Variants in GPNMB observed in about 807,000 individuals in gnomAD.
The protein encoded by GPNMB is glycoprotein nmb, also known as transmembrane glycoprotein NMB.
GPNMB carries 71 observed loss-of-function variants against 57.3 expected under a neutral mutation model. The observed-to-expected ratio is 1.24, with a 90% CI of 1.02 to 1.51. The LOEUF (loss-of-function observed/expected upper bound fraction) is 1.51. Among genes scored for constraint, GPNMB ranks in the 40% most tolerant of loss-of-function variants. The probability of loss-of-function intolerance (pLI) is 0.00; values close to 1 mark genes in which losing one functional copy is unlikely to be tolerated. For synonymous variants in GPNMB, 253 were observed against 263.2 expected (o/e 0.96, Z 0.38); for missense variants, 677 against 691.9 (o/e 0.98, Z 0.24).
chr7:23,273,614 A>G lies in GPNMB; in HGVS notation c.1523A>G (p.Lys508Arg). 6.3e-7 allele frequency: 1 copy of G among 1,599,472 alleles called. No homozygotes were observed. Among genetic ancestry groups the G allele is most frequent in the Non-Finnish European group, 8.6e-7 (1 of 1,166,582 alleles). The change falls in exon 10 of 11, where the codon AAA (lysine) becomes AGA (arginine). Residue 508 changes from lysine (K) to arginine (R), a missense_variant and splice_region_variant. Transcript: ENST00000258733. ...ACTGTGATCTCCCTCTTGGTGTACA[A>G]GTAAGTTTTTGGTTCCTACGCTTTA... ...FVTVISLLVY[K>R]KHKEYNPIEN...
Position 23,253,209 on chromosome 7 carries a change from T to C in GPNMB, c.71-98T>C, listed in dbSNP as rs1206620353. 29 of 1,002,862 alleles carry C rather than the reference T, an allele frequency of 2.9e-5. 1 individual carries two copies. The East Asian group carries it at 6.3e-4, about 22-fold the overall frequency. 62.1% of individuals were successfully genotyped at this position (1,002,862 alleles called of 1,614,324 possible). A position where few individuals can be genotyped will look rare whatever the true frequency, so the allele number is the denominator to read the frequency against. On this transcript the variant is annotated intron_variant, in intron 1 of 10. Coordinates refer to ENST00000258733, the MANE Select transcript of GPNMB (RefSeq NM_002510.3). Reference sequence around the variant, plus strand: ...TTTACTTGATGCACTGAATATATTATGTATGTGCTTTTCAACAGTAAGAAA... The same window carrying C: ...TTTACTTGATGCACTGAATATATTACGTATGTGCTTTTCAACAGTAAGAAA...
intron 7 of GPNMB, 41 bp downstream of exon 7, chr7:23,266,656 C>G (rs1415997977): frequency 6.3e-7 from 1 of 1,594,382 alleles, no homozygotes; most frequent in African/African-American, 1.3e-5. Flanking sequence ...GGATGCTAGA[C>G]TCCACCTAGG....
intron 7 of GPNMB, 112 bp from the exon 8 acceptor site, chr7:23,267,774 C>A (rs1783102880): frequency 3.8e-6 from 3 of 788,424 alleles, no homozygotes; most frequent in Non-Finnish European, 6.5e-6. Flanking sequence ...GGGGTTTCAA[C>A]ATATGAATTT....
rs368572840 is a variant in GPNMB at position 23,267,976 on chromosome 7, C to T, written c.1208C>T (p.Thr403Ile). Residue 403 changes from threonine (T) to isoleucine (I), a missense_variant, in exon 8 of 11, where the codon ACC (threonine) becomes ATC (isoleucine). Coordinates refer to ENST00000258733, the MANE Select transcript of GPNMB (RefSeq NM_002510.3). ...PESSLIDFVV[T>I]CQGSIPTEVC... ...AGCTCCCTAATAGACTTTGTCGTGACCTGCCAAGGGAGGTGAGTATATTAT... is the reference window on the plus strand; with the variant it reads ...AGCTCCCTAATAGACTTTGTCGTGATCTGCCAAGGGAGGTGAGTATATTAT... 1.2e-6 allele frequency: 2 copies of T among 1,607,580 alleles called. No individual in the cohort carries two copies.
chr7:23,268,872 T>A (rs1400500099), intron 8 of GPNMB, among the ~76,000 whole-genome samples: 1 of 152,114 alleles, frequency 6.6e-6, no homozygotes, highest in Admixed American at 6.5e-5. Context: ...CCCCGCCCCA[T>A]GAGTCCAGCA....
Position 23,273,581 on chromosome 7 carries a change from T to G in GPNMB, c.1490T>G (p.Ile497Arg), listed in dbSNP as rs1783263775. ...CTGATCTCCGTTGGCTGCTTGGCCA[T>G]ATTTGTCACTGTGATCTCCCTCTTG... ...SALISVGCLA[I>R]FVTVISLLVY... The change falls in exon 10 of 11, where the codon ATA becomes AGA. Residue 497 changes from isoleucine (I) to arginine (R), a missense_variant. Ile to Arg is a moderately conservative substitution (Grantham distance 97). Transcript: ENST00000258733. The G allele has an allele frequency of 6.2e-7, 1 of 1,613,230 alleles. No individual in the cohort carries two copies. Among genetic ancestry groups the G allele is most frequent in the Non-Finnish European group, 8.5e-7 (1 of 1,179,266 alleles).
chr7:23,264,131 C>G (rs1208850120), intron 6 of GPNMB, among the ~76,000 whole-genome samples: 1 of 150,378 alleles, frequency 6.6e-6, no homozygotes, highest in African/African-American at 2.5e-5. Context: ...AAGACTGATG[C>G]TAATTACTGT....
At chr7:23,269,884 C>T in intron 8 of GPNMB, 83 bp from the exon 9 acceptor site, 1 of 858,948 alleles carries the variant, frequency 1.2e-6, no homozygotes, top group Non-Finnish European at 1.9e-6. Flanking sequence ...AATGTAATGA[C>T]TTTCCCTTTG....
At chr7:23,267,306 C>A (rs1783088243) in intron 7 of GPNMB, among the ~76,000 whole-genome samples, 1 of 152,234 alleles carries the variant, frequency 6.6e-6, no homozygotes, top group Non-Finnish European at 1.5e-5. Context: ...AAAAACAGTT[C>A]AGTTTGACTT....
intron 9 of GPNMB, 32 bp downstream of exon 9, chr7:23,270,207 T>A: frequency 6.9e-7 from 1 of 1,449,808 alleles, no homozygotes; most frequent in Non-Finnish European, 9.7e-7. Flanking sequence ...TATGAGCATT[T>A]CATACTGCAA....
chr7:23,274,103 G>T lies in GPNMB; in HGVS notation c.1562G>T (p.Gly521Val). The T allele has an allele frequency of 6.2e-7, 1 of 1,613,060 alleles. No homozygotes were observed. The highest frequency in any genetic ancestry group is 8.5e-7 in the Non-Finnish European group (1 of 1,179,180). ...KEYNPIENSPGNVVRSKGLSV... is the reference protein window; with the variant it reads ...KEYNPIENSPVNVVRSKGLSV... ...TACAACCCAATAGAAAATAGTCCTG[G>T]GAATGTGGTCAGAAGCAAAGGCCTG... The change falls in exon 11 of 11, where the codon GGG becomes GTG. Residue 521 changes from glycine (G) to valine (V), a missense_variant. Gly to Val is a moderately radical substitution (Grantham distance 109, BLOSUM62 -3). Coordinates refer to ENST00000258733, the MANE Select transcript of GPNMB (RefSeq NM_002510.3).
chr7:23,256,801 A>G, intron 3 of GPNMB, 91 bp from the exon 4 acceptor site: 1 of 1,039,454 alleles, frequency 9.6e-7, no homozygotes, highest in Non-Finnish European at 1.4e-6. Context: ...GTTATGAAAA[A>G]AATACGAAAA....
chr7:23,263,880 T>G (rs1782992287), intron 6 of GPNMB, among the ~76,000 whole-genome samples: 1 of 152,118 alleles, frequency 6.6e-6, no homozygotes, highest in African/African-American at 2.4e-5. Flanking sequence ...AAAAATATGT[T>G]CTCTCTGCTT....
At chr7:23,265,620 G>T (rs1211578096) in intron 6 of GPNMB, among the ~76,000 whole-genome samples, 1 of 152,060 alleles carries the variant, frequency 6.6e-6, no homozygotes, top group Non-Finnish European at 1.5e-5. Context: ...AACAGGGAAA[G>T]AATGATCTTT....
rs552546907 is a variant in GPNMB, at chr7:23,266,402, G to A, written c.1019-115G>A. On this transcript the variant is annotated intron_variant, in intron 6 of 10. Transcript: ENST00000258733. The stretch of plus-strand genomic sequence containing the variant: ...TTCTATAGCAATTTCATAGTATAGT[G>A]TTCCTGATATTTTTCTAAAAAGCAA... 140 of 980,762 alleles carry A rather than the reference G, an allele frequency of 1.4e-4. 1 individual carries two copies. In the South Asian group the frequency reaches 1.5e-3, roughly 11 times the overall value. The allele number at this position is 980,762 out of a possible 1,614,324, so 60.8% of individuals were successfully genotyped here.
intron 3 of GPNMB, 79 bp downstream of exon 3, chr7:23,254,391 C>T: frequency 8.6e-7 from 1 of 1,167,666 alleles, no homozygotes; most frequent in Non-Finnish European, 1.3e-6. Context: ...CTGTAAGTGC[C>T]AGATGCTGAT....
chr7:23,272,586 C>A (rs1401952865), intron 9 of GPNMB, among the ~76,000 whole-genome samples: 1 of 152,166 alleles, frequency 6.6e-6, no homozygotes, highest in Non-Finnish European at 1.5e-5. Context: ...GCTTGGGTTT[C>A]AAAGGCAGAA....
chr7:23,250,439 C>T (rs1782635108), intron 1 of GPNMB, among the ~76,000 whole-genome samples: 1 of 152,010 alleles, frequency 6.6e-6, no homozygotes, highest in Non-Finnish European at 1.5e-5. Context: ...GCATCTTTGT[C>T]CAAAATCAAG....
At chr7:23,253,189 T>G (rs1881203) in intron 1 of GPNMB, 118 bp from the exon 2 acceptor site, 3 of 774,460 alleles carry the variant, frequency 3.9e-6, no homozygotes, top group Middle Eastern at 3.1e-4. Context: ...CTCTGTTTAC[T>G]TGATGCACTG....
Sources: gnomAD v4.1 joint callset for allele counts (sites outside exome capture counted in the v4.1 genomes callset) on GRCh38, gnomAD v4.1.1 for gene constraint, MANE v1.5 for transcripts, NCBI Gene and HGNC (gene_info 2026-07-23, HGNC 2026-07-21) for gene names.